Variants in FHIT observed in about 807,000 individuals in gnomAD.
FHIT encodes bis(5'-adenosyl)-triphosphatase.
FHIT carries 19 observed loss-of-function variants against 17.9 expected under a neutral mutation model. The observed-to-expected ratio is 1.06, with a 90% CI of 0.74 to 1.56. The LOEUF is 1.56. Ranked by LOEUF, FHIT falls within the 40% of genes most tolerant of loss-of-function variation. The pLI, the probability that FHIT is intolerant of heterozygous loss-of-function variation, is 0.00. For missense variants in FHIT, 248 were observed against 189.2 expected, an observed-to-expected ratio of 1.31 and a Z score of -1.82; for synonymous variants, 81 against 69.7, an observed-to-expected ratio of 1.16 and a Z score of -0.81.
rs193017977 is a variant in FHIT, at chr3:60,242,584, G to A, written c.104-228432C>T. ...GCCTTGCAGAGAGCAGGTACTTGAG[G>A]CAAAGTTGACTGCTTAGATAACTCC... On this transcript the variant is annotated intron_variant, in intron 5 of 9. Coordinates refer to ENST00000492590, the MANE Select transcript of FHIT (RefSeq NM_002012.4). Among the ~76,000 whole-genome samples, 3 of 152,132 alleles carry A rather than the reference G, an allele frequency of 2.0e-5. No individual in the cohort carries two copies. The South Asian group carries it at 6.2e-4, about 32-fold the overall frequency.
chr3:60,273,561 A>T (rs1457498651), intron 5 of FHIT, among the ~76,000 whole-genome samples: 1 of 152,122 alleles, frequency 6.6e-6, no homozygotes, highest in Non-Finnish European at 1.5e-5. Context: ...GTGAGCTGAG[A>T]TCACACCACT....
chr3:60,702,936 C>T (rs2041282977), intron 4 of FHIT, among the ~76,000 whole-genome samples: 1 of 152,116 alleles, frequency 6.6e-6, no homozygotes, highest in African/African-American at 2.4e-5. Flanking sequence ...CATTTTATCA[C>T]ATTTCTTATC....
At chr3:61,144,260 CT>C (rs1452823528) in intron 2 of FHIT, among the ~76,000 whole-genome samples, 1 of 152,198 alleles carries the variant, frequency 6.6e-6, no homozygotes, top group Non-Finnish European at 1.5e-5. Context: ...GGATTTGTCT[CT>C]GTTGGAAATG....
Position 60,550,493 on chromosome 3 carries a change from C to T in FHIT, c.-17-13514G>A, listed in dbSNP as rs116537591. Among the ~76,000 whole-genome samples the T allele has an allele frequency of 7.3e-3, 1,110 of 152,118 alleles. 11 individuals carry two copies. Among genetic ancestry groups the T allele is most frequent in the African/African-American group, 0.022 (918 of 41,514 alleles). On this transcript the variant is annotated intron_variant, in intron 4 of 9. Coordinates refer to ENST00000492590, the MANE Select transcript of FHIT (RefSeq NM_002012.4). ...CACTAAAAAAATTTTCAATTGTTAA[C>T]AAGTCAAAGAAAATCCAAAACCTCA...
chr3:60,090,164 A>G (rs998448081), intron 5 of FHIT, among the ~76,000 whole-genome samples: 3 of 152,096 alleles, frequency 2.0e-5, no homozygotes, highest in Admixed American at 6.6e-5. Context: ...AATGGTCTAC[A>G]TGACAATGCT....
chr3:60,001,006 C>T (rs1699709617), intron 7 of FHIT, among the ~76,000 whole-genome samples: 2 of 152,162 alleles, frequency 1.3e-5, no homozygotes, highest in African/African-American at 2.4e-5. Context: ...CCTGTCGTTC[C>T]CTGTTCTGGG....
rs554831771 is a variant in FHIT at position 60,166,192 on chromosome 3, A to G, written c.104-152040T>C. Among the ~76,000 whole-genome samples the G allele has an allele frequency of 1.1e-4, 16 of 152,154 alleles. No individual in the cohort carries two copies. In the East Asian group the frequency reaches 3.1e-3, roughly 29 times the overall value. On this transcript the variant is annotated intron_variant, in intron 5 of 9. Coordinates refer to ENST00000492590, the MANE Select transcript of FHIT (RefSeq NM_002012.4). ...TTTCCATAATTTGGGCTTGAAAAAA[A>G]ATAGGGTTGTCAAAGCATGAGGTAA...
intron 4 of FHIT, among the ~76,000 whole-genome samples, chr3:60,708,127 C>T (rs1294311435): frequency 6.6e-6 from 1 of 152,146 alleles, no homozygotes; most frequent in East Asian, 1.9e-4. Context: ...GTTGGCAAGG[C>T]TTATATTCAA....
At position 60,860,572 on chromosome 3, in the gene FHIT, T is replaced by C. The variant is rs1349134721; in HGVS notation, c.-110-38561A>G. 4.7e-3 allele frequency among the ~76,000 whole-genome samples: 341 copies of C among 71,880 alleles called. 7 individuals carry two copies. In the Middle Eastern group the frequency reaches 0.094, roughly 20 times the overall value. The allele number at this position is 71,880 out of a possible 152,430, so 47.2% of individuals were successfully genotyped here. A position where few individuals can be genotyped will look rare whatever the true frequency, so the allele number is the denominator to read the frequency against. On this transcript the variant is annotated intron_variant, in intron 3 of 9. Transcript: ENST00000492590. ...ACATATGTATCATATATCAGGTATATATGATACATATGTATCATATATCAG... is the reference window on the plus strand; with the variant it reads ...ACATATGTATCATATATCAGGTATACATGATACATATGTATCATATATCAG...
chr3:60,838,880 C>T (rs1553744351), intron 3 of FHIT, among the ~76,000 whole-genome samples: 1 of 152,056 alleles, frequency 6.6e-6, no homozygotes, highest in East Asian at 1.9e-4. Context: ...TTGAGAGAAT[C>T]AGTGAAAACT....
intron 4 of FHIT, among the ~76,000 whole-genome samples, chr3:60,695,285 A>G (rs1484148219): frequency 3.3e-5 from 5 of 152,128 alleles, no homozygotes; most frequent in Admixed American, 3.3e-4. Flanking sequence ...AATCTCAGCT[A>G]CTTGGGAGGC....
intron 8 of FHIT, among the ~76,000 whole-genome samples, chr3:59,766,270 G>C (rs1347267590): frequency 6.6e-6 from 1 of 152,216 alleles, no homozygotes; most frequent in Non-Finnish European, 1.5e-5. Flanking sequence ...TCATCCTTGA[G>C]AGGCATGTAA....
chr3:60,336,182 G>A (rs1041394480), intron 5 of FHIT, among the ~76,000 whole-genome samples: 3 of 152,156 alleles, frequency 2.0e-5, no homozygotes, highest in African/African-American at 4.8e-5. Flanking sequence ...CTGAAAAGCC[G>A]AACCAAGTTG....
intron 4 of FHIT, among the ~76,000 whole-genome samples, chr3:60,630,667 C>A (rs921289175): frequency 6.6e-6 from 1 of 152,152 alleles, no homozygotes; most frequent in South Asian, 2.1e-4. Flanking sequence ...TGCCAGGCCC[C>A]TGCCCATCCA....
At chr3:61,050,705 T>C (rs1434687209) in intron 2 of FHIT, among the ~76,000 whole-genome samples, 1 of 152,228 alleles carries the variant, frequency 6.6e-6, no homozygotes, top group Non-Finnish European at 1.5e-5. Flanking sequence ...TGATAATTAT[T>C]AAAGCTGGAT....
chr3:60,937,666 C>A (rs974491886), intron 3 of FHIT, among the ~76,000 whole-genome samples: 30 of 148,280 alleles, frequency 2.0e-4, no homozygotes, highest in Non-Finnish European at 4.4e-4. Flanking sequence ...TAGGTTCAAG[C>A]AATTCTCCTG....
intron 2 of FHIT, among the ~76,000 whole-genome samples, chr3:61,123,811 G>C (rs373711487): frequency 6.6e-6 from 1 of 152,214 alleles, no homozygotes; most frequent in East Asian, 1.9e-4. Context: ...ACCATGGCTG[G>C]CTTCAAGATA....
At chr3:60,070,523 G>C (rs1257378231) in intron 5 of FHIT, among the ~76,000 whole-genome samples, 1 of 152,176 alleles carries the variant, frequency 6.6e-6, no homozygotes, top group Non-Finnish European at 1.5e-5. Context: ...GCAACTACAG[G>C]AACCCAATCC....
chr3:60,870,587 A>G (rs1368369093), intron 3 of FHIT, among the ~76,000 whole-genome samples: 1 of 152,160 alleles, frequency 6.6e-6, no homozygotes, highest in African/African-American at 2.4e-5. Context: ...GTAGTCTGAC[A>G]GTCATATTGT....
Sources: allele counts gnomAD v4.1 joint callset (sites outside exome capture counted in the v4.1 genomes callset), GRCh38; gene constraint gnomAD v4.1.1; transcripts MANE v1.5; gene names NCBI Gene and HGNC (gene_info 2026-07-23, HGNC 2026-07-21).